Variants in FCRL2 observed in about 807,000 individuals in gnomAD.
FCRL2 encodes the protein Fc receptor like 2.
FCRL2 carries 48 observed loss-of-function variants against 59.8 expected under a neutral mutation model. The ratio of observed to expected loss-of-function variants is 0.80; its 90% CI spans 0.64 to 1.02. The LOEUF is 1.02. Ranked by LOEUF, FCRL2 falls within the 50% of genes least tolerant of loss-of-function variation. The pLI, the probability that FCRL2 is intolerant of heterozygous loss-of-function variation, is 0.00. For synonymous variants in FCRL2, 251 were observed against 229.5 expected (o/e 1.09, Z -0.85); for missense variants, 658 against 597.3 (o/e 1.10, Z -1.06).
intron 3 of FCRL2, 104 bp downstream of exon 3, chr1:157,770,305 C>T: frequency 6.8e-7 from 1 of 1,464,416 alleles, no homozygotes; most frequent in Non-Finnish European, 9.3e-7. Flanking sequence ...ACAAGCACTC[C>T]CGTCTATATT....
At position 157,748,588 on chromosome 1, in the gene FCRL2, G is replaced by T. The variant is rs372871876; in HGVS notation, c.1424C>A (p.Ser475Tyr). The change falls in exon 10 of 12, where the codon TCT becomes TAT. Residue 475 changes from serine (S) to tyrosine (Y), a missense_variant. Coordinates refer to ENST00000361516, the MANE Select transcript of FCRL2 (RefSeq NM_030764.4). ...VGSVDVDVVYSQVWSMQQPES... is the reference protein window; with the variant it reads ...VGSVDVDVVYYQVWSMQQPES... ...TGGCTGCTGCATGCTCCAGACCTGA[G>T]AATAAACCACATCCACATCTACAGA... 2 of 1,613,822 alleles carry T rather than the reference G, an allele frequency of 1.2e-6. No individual in the cohort carries two copies. The highest frequency in any genetic ancestry group is 1.7e-6 in the Non-Finnish European group (2 of 1,179,876).
At chr1:157,756,776 A>C (rs745324128) in intron 7 of FCRL2, among the ~76,000 whole-genome samples, 1 of 152,216 alleles carries the variant, frequency 6.6e-6, no homozygotes, top group Non-Finnish European at 1.5e-5. Flanking sequence ...AAATTTAGTA[A>C]AAAATAATTT....
intron 7 of FCRL2, among the ~76,000 whole-genome samples, chr1:157,757,371 T>A (rs1648673735): frequency 6.6e-6 from 1 of 152,122 alleles, no homozygotes; most frequent in Admixed American, 6.5e-5. Context: ...ACAATAGGAT[T>A]AGTGTTCTTA....
intron 1 of FCRL2, among the ~76,000 whole-genome samples, chr1:157,776,677 A>T (rs1401806917): frequency 1.3e-5 from 2 of 152,340 alleles, no homozygotes; most frequent in East Asian, 3.9e-4. Context: ...AATCTTATAG[A>T]TAACAATTGA....
intron 2 of FCRL2, among the ~76,000 whole-genome samples, chr1:157,772,286 C>A (rs1287694983): frequency 6.6e-6 from 1 of 152,130 alleles, no homozygotes. Context: ...GCATGACAGG[C>A]AGCCTCACTG....
chr1:157,754,893 CA>C (rs1224847290), intron 7 of FCRL2, among the ~76,000 whole-genome samples: 1 of 151,312 alleles, frequency 6.6e-6, no homozygotes, highest in Non-Finnish European at 1.5e-5. Context: ...TTGAGTCCAG[CA>C]GGTTAAGGTT....
At chr1:157,753,628 A>G (rs1480776001) in intron 7 of FCRL2, among the ~76,000 whole-genome samples, 4 of 152,232 alleles carry the variant, frequency 2.6e-5, no homozygotes, top group Non-Finnish European at 5.9e-5. Context: ...GGATTTTTAT[A>G]GCGGTCCCAT....
intron 2 of FCRL2, among the ~76,000 whole-genome samples, chr1:157,772,224 A>AT (rs1232029071): frequency 6.6e-6 from 1 of 151,940 alleles, no homozygotes; most frequent in Non-Finnish European, 1.5e-5. Context: ...CCTGTAGAGA[A>AT]CACCACTGGG....
At chr1:157,747,562 A>G (rs1647845861) in intron 10 of FCRL2, among the ~76,000 whole-genome samples, 2 of 152,192 alleles carry the variant, frequency 1.3e-5, no homozygotes. Context: ...CAGAGGACCC[A>G]CCTTCAGAGG....
Position 157,770,521 on chromosome 1 carries a change from A to T in FCRL2, c.198T>A (p.Asp66Glu). 2 of 1,614,254 alleles carry T rather than the reference A, an allele frequency of 1.2e-6. No homozygotes were observed. Among genetic ancestry groups the T allele is most frequent in the Non-Finnish European group, 1.7e-6 (2 of 1,180,042 alleles). The change falls in exon 3 of 12, where the codon GAT becomes GAA. Residue 66 changes from aspartate (D) to glutamate (E), a missense_variant. Transcript: ENST00000361516. ...TTAAAACTGCACTTTGGATAAGGAA[A>T]TCTGAGAATTTTTTGAAAACAGATA... Reference protein sequence around the residue: ...KELSVFKKFSDFLIQSAVLSD... With the variant: ...KELSVFKKFSEFLIQSAVLSD...
At chr1:157,748,529 A>G (rs1647934152) in intron 10 of FCRL2, 24 bp downstream of exon 10, 1 of 1,598,444 alleles carries the variant, frequency 6.3e-7, no homozygotes, top group Non-Finnish European at 8.6e-7. Context: ...TGCATCTGAC[A>G]AGAACTACTT....
At chr1:157,758,880 A>C (rs1380583051) in intron 7 of FCRL2, among the ~76,000 whole-genome samples, 1 of 152,248 alleles carries the variant, frequency 6.6e-6, no homozygotes, top group African/African-American at 2.4e-5. Flanking sequence ...AACCATATGC[A>C]GAATATTGAA....
chr1:157,763,449 C>T (rs1372163242), intron 7 of FCRL2, among the ~76,000 whole-genome samples: 3 of 151,858 alleles, frequency 2.0e-5, no homozygotes, highest in South Asian at 2.1e-4. Context: ...CTCTTGAACC[C>T]GAGAGGTGGA....
At chr1:157,773,259 C>T (rs567934682) in intron 2 of FCRL2, among the ~76,000 whole-genome samples, 6 of 152,360 alleles carry the variant, frequency 3.9e-5, no homozygotes, top group African/African-American at 1.4e-4. Context: ...GCATTTGCCT[C>T]TCATCAGGCA....
Position 157,770,478 on chromosome 1 carries a change from A to T in FCRL2, c.241T>A (p.Phe81Ile), listed in dbSNP as rs752032424. ...SAVLSDSGNY[F>I]CSTKGQLFLW... ...AAGAGTTGTCCTTTGGTACTACAGA[A>T]ATAGTTACCACTGTCACTTAAAACT... Residue 81 changes from phenylalanine to isoleucine, a missense_variant, in exon 3 of 12, where the codon TTC becomes ATC. Physicochemically the swap from Phe to Ile is conservative, Grantham distance 21 (BLOSUM62 0). Transcript: ENST00000361516. 6.8e-6 allele frequency: 11 copies of T among 1,613,930 alleles called. 1 individual carries two copies. The South Asian group carries it at 1.2e-4, about 18-fold the overall frequency.
chr1:157,746,869 AC>A lies in FCRL2; in HGVS notation c.1488+1del. 5 of 1,613,972 alleles carry A rather than the reference AC, an allele frequency of 3.1e-6. No homozygotes were observed. Among genetic ancestry groups the A allele is most frequent in the Non-Finnish European group, 4.2e-6 (5 of 1,179,916 alleles). ...GAAGAAATTCCAAGGTGTCTAGCTC[AC>A]CTTGTTCTCCAGAAGTGTCCTGATG... On this transcript the variant is annotated splice_donor_variant, in intron 11 of 11. Coordinates refer to ENST00000361516, the MANE Select transcript of FCRL2 (RefSeq NM_030764.4). LOFTEE classifies it high-confidence loss of function.
rs778106971 is a variant in FCRL2, at chr1:157,748,857, C to T, written c.1393+18G>A. On this transcript the variant is annotated intron_variant, in intron 9 of 11. Transcript: ENST00000361516. ...TTTCTGACTCAGCCTCAGAGCCCTT[C>T]CCAGTGGAGACACTCACCATTGACA... The T allele has an allele frequency of 6.2e-7, 1 of 1,610,070 alleles. No homozygotes were observed. Among genetic ancestry groups the T allele is most frequent in the Non-Finnish European group, 8.5e-7 (1 of 1,176,998 alleles).
intron 2 of FCRL2, among the ~76,000 whole-genome samples, chr1:157,771,556 C>G (rs575956182): frequency 1.2e-4 from 19 of 152,238 alleles, no homozygotes; most frequent in African/African-American, 4.6e-4. Context: ...TATTTTTAAT[C>G]CAAGGCTTAG....
chr1:157,766,434 G>T (rs1164391377), intron 7 of FCRL2, among the ~76,000 whole-genome samples: 1 of 151,868 alleles, frequency 6.6e-6, no homozygotes, highest in Non-Finnish European at 1.5e-5. Flanking sequence ...TCACGCCACT[G>T]CACTCCAGCC....
Sources: allele counts gnomAD v4.1 joint callset (sites outside exome capture counted in the v4.1 genomes callset), GRCh38; gene constraint gnomAD v4.1.1; transcripts MANE v1.5; gene names NCBI Gene and HGNC (gene_info 2026-07-23, HGNC 2026-07-21).